The following ARMH3 variants were observed in gnomAD, a reference collection of about 807,000 sequenced individuals.
The protein encoded by ARMH3 is armadillo-like helical domain-containing protein 3.
ARMH3 carries 60 observed loss-of-function variants against 99.1 expected under a neutral mutation model. That is an observed-to-expected ratio of 0.61 (90% confidence interval 0.49 to 0.75). The LOEUF is 0.75. ARMH3 is among the 30% of genes least tolerant of loss of function. ARMH3 has a pLI of 0.00. For synonymous variants in ARMH3, 285 were observed against 292.8 expected, an observed-to-expected ratio of 0.97 and a Z score of 0.27; for missense variants, 679 against 843.1, an observed-to-expected ratio of 0.81 and a Z score of 2.41.
intron 8 of ARMH3, among the ~76,000 whole-genome samples, chr10:102,014,854 G>A (rs1006073111): frequency 1.3e-5 from 2 of 152,176 alleles, no homozygotes; most frequent in Admixed American, 6.5e-5. Context: ...TATGGGATGT[G>A]AGGAAAAATT....
intron 23 of ARMH3, among the ~76,000 whole-genome samples, chr10:101,900,751 G>A (rs568625715): frequency 6.6e-6 from 1 of 152,328 alleles, no homozygotes; most frequent in Admixed American, 6.5e-5. Flanking sequence ...GGACGCCCAG[G>A]TGGGAGAACT....
At chr10:101,859,021 T>C (rs2066799040) in intron 24 of ARMH3, among the ~76,000 whole-genome samples, 1 of 152,162 alleles carries the variant, frequency 6.6e-6, no homozygotes, top group African/African-American at 2.4e-5. Context: ...TTGACAGGCT[T>C]CAAAAGCCCT....
chr10:102,009,862 CA>C, intron 12 of ARMH3, 114 bp downstream of exon 12: 2 of 1,090,366 alleles, frequency 1.8e-6, no homozygotes, highest in Non-Finnish European at 1.3e-6. Context: ...TGAAAATCAC[CA>C]AAAAAGTATG....
At position 101,951,334 on chromosome 10, in the gene ARMH3, C is replaced by T. The variant is rs557099025; in HGVS notation, c.1705+5263G>A. Among the ~76,000 whole-genome samples, 5 of 152,234 alleles carry T rather than the reference C, an allele frequency of 3.3e-5. No homozygotes were observed. The East Asian group carries it at 9.7e-4, about 29-fold the overall frequency. On this transcript the variant is annotated intron_variant, in intron 22 of 25. Transcript: ENST00000370033. ...CCTGTAATCCCAGAACTTTAGGAGGCCAAGGCAGGAGGATCGCTTGAGCCC... is the reference window on the plus strand; with the variant it reads ...CCTGTAATCCCAGAACTTTAGGAGGTCAAGGCAGGAGGATCGCTTGAGCCC...
chr10:101,972,206 G>A (rs1482502357), intron 20 of ARMH3, among the ~76,000 whole-genome samples: 1 of 152,094 alleles, frequency 6.6e-6, no homozygotes, highest in Non-Finnish European at 1.5e-5. Context: ...TGGGAATCTG[G>A]AGACCTCTGG....
At chr10:101,913,311 G>A (rs1842940775) in intron 23 of ARMH3, 1 of 146,478 alleles carries the variant, frequency 6.8e-6, no homozygotes, top group African/African-American at 2.5e-5. Flanking sequence ...AAAGCTCTTG[G>A]TTAAAAGGAC....
At position 101,860,507 on chromosome 10, in the gene ARMH3, A is replaced by C. The variant is rs375233514; in HGVS notation, c.1861-10615T>G. 1.4e-4 allele frequency among the ~76,000 whole-genome samples: 22 copies of C among 152,332 alleles called. No individual in the cohort carries two copies. The South Asian group carries it at 4.6e-3, about 32-fold the overall frequency. ...GAAGGTCCTGCCAAGCTAAGGAGAC[A>C]TATAGGTGTTTGGGGAGGCAGACTA... On this transcript the variant is annotated intron_variant, in intron 24 of 25. Coordinates refer to ENST00000370033, the MANE Select transcript of ARMH3 (RefSeq NM_024541.3).
chr10:101,909,847 A>T (rs1036948125), intron 23 of ARMH3, among the ~76,000 whole-genome samples: 1 of 152,092 alleles, frequency 6.6e-6, no homozygotes, highest in East Asian at 1.9e-4. Flanking sequence ...CCTATTATGT[A>T]CCCACCAAAA....
intron 19 of ARMH3, among the ~76,000 whole-genome samples, chr10:101,981,564 C>G (rs758062075): frequency 7.2e-5 from 11 of 152,236 alleles, no homozygotes; most frequent in Non-Finnish European, 5.9e-5. Flanking sequence ...CAGATATTTT[C>G]ATAGCACTCC....
intron 23 of ARMH3, among the ~76,000 whole-genome samples, chr10:101,910,943 G>A (rs1842843527): frequency 6.6e-6 from 1 of 151,186 alleles, no homozygotes; most frequent in Admixed American, 6.6e-5. Context: ...AGTTCGAGAT[G>A]AGCCTGGCCA....
In ARMH3 at chr10:101,889,547, T is replaced by C. The variant is rs2067637394; in HGVS notation, c.1782-57A>G. 2.7e-6 allele frequency: 4 copies of C among 1,478,108 alleles called. No homozygotes were observed. The Admixed American group carries it at 5.0e-5, about 19-fold the overall frequency. 91.6% of individuals were successfully genotyped at this position (1,478,108 alleles called of 1,614,324 possible). A position where few individuals can be genotyped will look rare whatever the true frequency, so the allele number is the denominator to read the frequency against. On this transcript the variant is annotated intron_variant, in intron 23 of 25. Transcript: ENST00000370033. ...CAGATAGAAGAGGTGGATACATCTG[T>C]TAAAAAATAAGGATCAAGTACCCTC...
intron 19 of ARMH3, among the ~76,000 whole-genome samples, chr10:101,982,034 A>C (rs1427154212): frequency 6.6e-6 from 1 of 150,920 alleles, no homozygotes; most frequent in Non-Finnish European, 1.5e-5. Context: ...AAAAAAAAAA[A>C]AAAAAAAAAA....
chr10:101,922,762 A>T (rs1164116737), intron 23 of ARMH3, among the ~76,000 whole-genome samples: 4 of 152,232 alleles, frequency 2.6e-5, no homozygotes, highest in African/African-American at 4.8e-5. Flanking sequence ...GATGAAGTAC[A>T]TTCAAAACTG....
Position 101,952,769 on chromosome 10 carries a change from T to A in ARMH3, c.1705+3828A>T, listed in dbSNP as rs1270678868. ...TACATTTACATTGCTGTAAAACAGA[T>A]CTCCAGAACTTTTTCATCTTGTAGA... On this transcript the variant is annotated intron_variant, in intron 22 of 25. Transcript: ENST00000370033. The A allele has an allele frequency of 9.2e-5, 14 of 152,270 alleles. No individual in the cohort carries two copies. The East Asian group carries it at 2.1e-3, about 23-fold the overall frequency. The allele number at this position is 152,270 out of a possible 1,614,324, so 9.4% of individuals were successfully genotyped here.
intron 16 of ARMH3, 87 bp from the exon 17 acceptor site, chr10:101,993,690 T>C: frequency 1.1e-6 from 1 of 884,034 alleles, no homozygotes. Flanking sequence ...TCCTTGGACT[T>C]TGAGAACTAC....
At chr10:101,989,279 G>A (rs948945295) in intron 19 of ARMH3, among the ~76,000 whole-genome samples, 1 of 152,144 alleles carries the variant, frequency 6.6e-6, no homozygotes, top group Admixed American at 6.5e-5. Flanking sequence ...CACACCTGTA[G>A]TCCCAGCTAC....
chr10:101,914,205 C>T (rs188439656), intron 23 of ARMH3, among the ~76,000 whole-genome samples: 19 of 152,052 alleles, frequency 1.2e-4, no homozygotes, highest in African/African-American at 3.9e-4. Context: ...ATATGATACC[C>T]GAGCTGGGCG....
At chr10:101,918,508 T>C (rs774332992) in intron 23 of ARMH3, among the ~76,000 whole-genome samples, 1 of 152,154 alleles carries the variant, frequency 6.6e-6, no homozygotes, top group Admixed American at 6.5e-5. Context: ...GTAAGCAAGT[T>C]TGGACTTTCT....
At chr10:101,854,837 T>A (rs1372282685) in intron 24 of ARMH3, among the ~76,000 whole-genome samples, 1 of 151,924 alleles carries the variant, frequency 6.6e-6, no homozygotes, top group African/African-American at 2.4e-5. Flanking sequence ...CTTATAAGGC[T>A]GATGTGAGGA....
Sources: gnomAD v4.1 joint callset for allele counts (sites outside exome capture counted in the v4.1 genomes callset) on GRCh38, gnomAD v4.1.1 for gene constraint, MANE v1.5 for transcripts, NCBI Gene and HGNC (gene_info 2026-07-23, HGNC 2026-07-21) for gene names.